WNT9B: variants seen among roughly 807,000 people sequenced by gnomAD.
The protein encoded by WNT9B is Wnt family member 9B.
WNT9B carries 12 observed loss-of-function variants against 30.2 expected under a neutral mutation model. The observed-to-expected ratio is 0.40, with a 90% CI of 0.26 to 0.64. The LOEUF (loss-of-function observed/expected upper bound fraction) is 0.64, where lower values mean the gene tolerates loss of function less well. WNT9B is among the 30% of genes least tolerant of loss of function. WNT9B has a pLI of 0.42. For synonymous variants in WNT9B, 218 were observed against 216.9 expected (o/e 1.01, Z -0.05); for missense variants, 442 against 485.2 (o/e 0.91, Z 0.84).
intron 1 of WNT9B, among the ~76,000 whole-genome samples, chr17:46,870,235 CACCA>C (rs1336902899): frequency 6.6e-6 from 1 of 152,182 alleles, no homozygotes; most frequent in Non-Finnish European, 1.5e-5. Context: ...TCGCCACTCA[CACCA>C]GCCCTCGGTG....
intron 1 of WNT9B, among the ~76,000 whole-genome samples, chr17:46,869,365 G>A (rs1434544062): frequency 1.3e-5 from 2 of 152,168 alleles, no homozygotes; most frequent in Non-Finnish European, 2.9e-5. Context: ...GCTGGGCACC[G>A]TTTGAGACCC....
chr17:46,847,068 A>T (rs2084784362), upstream of WNT9B, among the ~76,000 whole-genome samples: 1 of 152,232 alleles, frequency 6.6e-6, no homozygotes, highest in African/African-American at 2.4e-5. Context: ...TATAAATGTC[A>T]AACATTCTTG....
chr17:46,872,434 C>A (rs935072571), intron 1 of WNT9B, 83 bp from the exon 2 acceptor site: 32 of 1,413,728 alleles, frequency 2.3e-5, no homozygotes, highest in Middle Eastern at 2.7e-4. Context: ...GTAAATGAAG[C>A]CCCTGAGGAG....
chr17:46,881,525 G>A (rs1048895280), downstream of WNT9B, among the ~76,000 whole-genome samples: 1 of 152,154 alleles, frequency 6.6e-6, no homozygotes, highest in African/African-American at 2.4e-5. Flanking sequence ...GCTAGCAAGC[G>A]GATCCAGGCC....
upstream of WNT9B, among the ~76,000 whole-genome samples, chr17:46,848,356 A>C (rs2084801655): frequency 6.6e-6 from 1 of 152,206 alleles, no homozygotes; most frequent in Non-Finnish European, 1.5e-5. Context: ...TAAGCTGAAA[A>C]CAACACTTGT....
At chr17:46,875,941 G>A (rs752715241) in intron 3 of WNT9B, among the ~76,000 whole-genome samples, 2 of 152,192 alleles carry the variant, frequency 1.3e-5, no homozygotes, top group South Asian at 2.1e-4. Context: ...GTTGTGAACC[G>A]GGGCTGCTGT....
chr17:46,858,816 G>A (rs887809258), intron 1 of WNT9B, among the ~76,000 whole-genome samples: 4 of 152,160 alleles, frequency 2.6e-5, no homozygotes, highest in South Asian at 2.1e-4. Context: ...ACAGGCATGC[G>A]CCATCACGCC....
chr17:46,858,374 T>G (rs2084974989), intron 1 of WNT9B, among the ~76,000 whole-genome samples: 1 of 152,242 alleles, frequency 6.6e-6, no homozygotes, highest in Non-Finnish European at 1.5e-5. Context: ...TGTATCAACC[T>G]TTTCTTGTAT....
At chr17:46,868,520 C>T (rs1331986974) in intron 1 of WNT9B, among the ~76,000 whole-genome samples, 2 of 152,124 alleles carry the variant, frequency 1.3e-5, no homozygotes, top group East Asian at 1.9e-4. Context: ...TGCTTGAACC[C>T]GGGAGGCAGA....
At chr17:46,863,148 C>T (rs572713876) in intron 1 of WNT9B, among the ~76,000 whole-genome samples, 1 of 152,252 alleles carries the variant, frequency 6.6e-6, no homozygotes, top group African/African-American at 2.4e-5. Context: ...TCCAGAGCCA[C>T]GCCCTCCCAA....
intron 1 of WNT9B, among the ~76,000 whole-genome samples, chr17:46,859,875 T>G (rs1333536925): frequency 6.6e-6 from 1 of 152,246 alleles, no homozygotes; most frequent in African/African-American, 2.4e-5. Context: ...CAGCAGTGTT[T>G]TCTAGTTTTC....
At chr17:46,867,208 G>A (rs919430900) in intron 1 of WNT9B, among the ~76,000 whole-genome samples, 37 of 152,224 alleles carry the variant, frequency 2.4e-4, no homozygotes, top group African/African-American at 8.2e-4. Context: ...GGGCAGGACC[G>A]TGTCCCAGCA....
In WNT9B at chr17:46,878,087, CCT is replaced by C. The variant is rs1320385146; in HGVS notation, c.*1374_*1375del. ...AGGCTGGGGGTTCCTGTTGCACATG[CCT>C]CTCTTGTTCAGGATGAAGACCTTGC... On this transcript the variant is annotated 3_prime_UTR_variant, in exon 4 of 4. Transcript: ENST00000290015. Among the ~76,000 whole-genome samples the C allele has an allele frequency of 1.3e-5, 2 of 152,332 alleles. No homozygotes were observed. Among genetic ancestry groups the C allele is most frequent in the South Asian group, 2.1e-4 (1 of 4,824 alleles).
chr17:46,853,252 A>G lies in WNT9B; in HGVS notation c.77+1537A>G, dbSNP rs78565918. ...AACCTCTCTGTCTCTCAGTCTCTCAATCTGTAAAATGAAGATTATACTGCC... is the reference window on the plus strand; with the variant it reads ...AACCTCTCTGTCTCTCAGTCTCTCAGTCTGTAAAATGAAGATTATACTGCC... On this transcript the variant is annotated intron_variant, in intron 1 of 3. Coordinates refer to ENST00000290015, the MANE Select transcript of WNT9B (RefSeq NM_003396.3). 4.7e-3 allele frequency among the ~76,000 whole-genome samples: 719 copies of G among 151,910 alleles called. 10 individuals carry two copies. The highest frequency in any genetic ancestry group is 0.017 in the African/African-American group (689 of 41,396).
intron 1 of WNT9B, among the ~76,000 whole-genome samples, chr17:46,837,608 A>C (rs2084648977): frequency 6.6e-6 from 1 of 152,152 alleles, no homozygotes; most frequent in Non-Finnish European, 1.5e-5. Flanking sequence ...TAAACGCTAG[A>C]GGTGGGATGT....
intron 3 of WNT9B, among the ~76,000 whole-genome samples, chr17:46,875,612 A>T (rs940701510): frequency 1.3e-5 from 2 of 152,220 alleles, no homozygotes; most frequent in Non-Finnish European, 2.9e-5. Flanking sequence ...AGCAGTGGTC[A>T]CCAGTGGGAG....
chr17:46,882,501 T>C (rs1037462508), downstream of WNT9B, among the ~76,000 whole-genome samples: 2 of 152,122 alleles, frequency 1.3e-5, no homozygotes, highest in Admixed American at 6.6e-5. Context: ...AGTGGTGCGA[T>C]CTCGGCTCAC....
rs143790944 is a variant in WNT9B at position 46,862,622 on chromosome 17, G to A, written c.78-9895G>A. Reference sequence around the variant, plus strand: ...TTTTGAGACGGAGTCTTGCTCTGTCGCCCAGGCTGGAGTGCAGTGGCAGGA... The same window carrying A: ...TTTTGAGACGGAGTCTTGCTCTGTCACCCAGGCTGGAGTGCAGTGGCAGGA... On this transcript the variant is annotated intron_variant, in intron 1 of 3. Coordinates refer to ENST00000290015, the MANE Select transcript of WNT9B (RefSeq NM_003396.3). 2.8e-3 allele frequency among the ~76,000 whole-genome samples: 421 copies of A among 152,108 alleles called. 1 individual carries two copies. The highest frequency in any genetic ancestry group is 0.014 in the Middle Eastern group (4 of 294).
chr17:46,841,432 A>G (rs888563561), intron 1 of WNT9B, among the ~76,000 whole-genome samples: 7 of 152,338 alleles, frequency 4.6e-5, no homozygotes, highest in African/African-American at 1.7e-4. Flanking sequence ...GTGAGAGTTC[A>G]GCCCTGTCCC....
Sources: gnomAD v4.1 joint callset for allele counts (sites outside exome capture counted in the v4.1 genomes callset) on GRCh38, gnomAD v4.1.1 for gene constraint, MANE v1.5 for transcripts, NCBI Gene and HGNC (gene_info 2026-07-23, HGNC 2026-07-21) for gene names.